The following PAPPA2 variants were observed in gnomAD, a reference collection of about 807,000 sequenced individuals.
The protein encoded by PAPPA2 is pappalysin-2.
Under a neutral mutation model 176.4 loss-of-function variants are expected in PAPPA2, and 86 were observed. That is an observed-to-expected ratio of 0.49 (90% CI 0.41 to 0.58). The LOEUF (loss-of-function observed/expected upper bound fraction) is 0.58. Among genes scored for constraint, PAPPA2 ranks in the 20% least tolerant of loss-of-function variants. The probability of loss-of-function intolerance (pLI) is 0.00; values close to 1 mark genes in which losing one functional copy is unlikely to be tolerated. For synonymous variants in PAPPA2, 809 were observed against 852.2 expected (o/e 0.95, Z 0.88); for missense variants, 2,073 against 2,256.9 (o/e 0.92, Z 1.65).
chr1:176,466,047 T>C (rs11800709), intron 1 of PAPPA2, among the ~76,000 whole-genome samples: 2,788 of 152,272 alleles, frequency 0.018, 78 homozygotes, highest in African/African-American at 0.063. Flanking sequence ...TTAGGCAACA[T>C]GCAGAATTAG....
intron 12 of PAPPA2, among the ~76,000 whole-genome samples, chr1:176,731,459 C>T (rs1244110496): frequency 6.6e-6 from 1 of 151,840 alleles, no homozygotes; most frequent in Non-Finnish European, 1.5e-5. Flanking sequence ...CCCACCATGC[C>T]CAGCTAATTT....
chr1:176,651,636 T>A (rs1019435761), intron 3 of PAPPA2, among the ~76,000 whole-genome samples: 3 of 151,686 alleles, frequency 2.0e-5, no homozygotes, highest in African/African-American at 7.2e-5. Flanking sequence ...GACCTTCCTA[T>A]ATCTGGAATT....
chr1:176,711,246 A>G (rs1194017052), intron 11 of PAPPA2, among the ~76,000 whole-genome samples: 1 of 151,996 alleles, frequency 6.6e-6, no homozygotes, highest in African/African-American at 2.4e-5. Flanking sequence ...TTTCTGCCAC[A>G]CTCTCTCAGC....
chr1:176,749,503 C>T (rs949610524), intron 14 of PAPPA2, among the ~76,000 whole-genome samples: 1 of 152,170 alleles, frequency 6.6e-6, no homozygotes, highest in African/African-American at 2.4e-5. Flanking sequence ...GTTTGTTGTA[C>T]ATTCTATGTG....
chr1:176,720,401 C>A (rs944118759), intron 12 of PAPPA2, among the ~76,000 whole-genome samples: 3 of 151,856 alleles, frequency 2.0e-5, no homozygotes, highest in African/African-American at 7.3e-5. Context: ...TATATATGTG[C>A]AATATAAAAT....
At chr1:176,496,630 T>C (rs988603863) in intron 1 of PAPPA2, among the ~76,000 whole-genome samples, 1 of 152,168 alleles carries the variant, frequency 6.6e-6, no homozygotes, top group Non-Finnish European at 1.5e-5. Context: ...GATTTCCTCT[T>C]TAGCTTATTG....
chr1:176,584,226 C>T (rs1653153618), intron 2 of PAPPA2, among the ~76,000 whole-genome samples: 1 of 152,086 alleles, frequency 6.6e-6, no homozygotes, highest in Non-Finnish European at 1.5e-5. Flanking sequence ...GTTGATATTA[C>T]ATCTAGTTGA....
At chr1:176,533,628 C>T (rs895308710) in intron 1 of PAPPA2, among the ~76,000 whole-genome samples, 1 of 152,236 alleles carries the variant, frequency 6.6e-6, no homozygotes, top group African/African-American at 2.4e-5. Flanking sequence ...CATAAACACT[C>T]GTCACCTAAA....
intron 3 of PAPPA2, among the ~76,000 whole-genome samples, chr1:176,641,028 G>C (rs1450338562): frequency 6.6e-6 from 1 of 151,286 alleles, no homozygotes; most frequent in East Asian, 1.9e-4. Context: ...CCCACTTTTT[G>C]ATGGGGTTGT....
chr1:176,570,129 C>A lies in PAPPA2; in HGVS notation c.919+12888C>A, dbSNP rs1048905616. On this transcript the variant is annotated intron_variant, in intron 2 of 22. Transcript: ENST00000367662. ...AACTTTCGTTTTGTGCACATTATTC[C>A]CGTGGGCGGGAGGAAGAGGAGTGTA... Among the ~76,000 whole-genome samples, 5 of 151,918 alleles carry A rather than the reference C, an allele frequency of 3.3e-5. 1 individual carries two copies. The highest frequency in any genetic ancestry group is 1.2e-4 in the African/African-American group (5 of 41,326).
At chr1:176,486,040 A>G (rs1308721079) in intron 1 of PAPPA2, among the ~76,000 whole-genome samples, 1 of 152,228 alleles carries the variant, frequency 6.6e-6, no homozygotes, top group Non-Finnish European at 1.5e-5. Context: ...GGGTTATTTT[A>G]GTAAGGTTTG....
chr1:176,789,944 G>A lies in PAPPA2; in HGVS notation c.4851G>A (p.Gln1617=). The change falls in exon 18 of 23, where the codon CAG becomes CAA. Residue 1617 remains glutamine, a synonymous_variant. Coordinates refer to ENST00000367662, the MANE Select transcript of PAPPA2 (RefSeq NM_020318.3). ...ECTNGFSLDS[Q]CVLNCNQERE... ...CCAATGGCTTCAGCCTGGACAGCCA[G>A]TGTGTGCTCAACTGTAACCAGGAAC... is the stretch of plus-strand genomic sequence containing the variant. 1 of 1,614,150 alleles carries A rather than the reference G, an allele frequency of 6.2e-7. No individual in the cohort carries two copies. Among genetic ancestry groups the A allele is most frequent in the Non-Finnish European group, 8.5e-7 (1 of 1,180,008 alleles).
chr1:176,713,543 A>G (rs908306453), intron 12 of PAPPA2, among the ~76,000 whole-genome samples: 1 of 152,206 alleles, frequency 6.6e-6, no homozygotes, highest in Admixed American at 6.5e-5. Context: ...ATACCAAATA[A>G]TTTAAATGTT....
At chr1:176,711,042 A>G (rs886342675) in intron 11 of PAPPA2, among the ~76,000 whole-genome samples, 10 of 152,090 alleles carry the variant, frequency 6.6e-5, no homozygotes, top group Admixed American at 5.2e-4. Flanking sequence ...TTCCCTTTTT[A>G]TTGGGAAAAT....
intron 1 of PAPPA2, among the ~76,000 whole-genome samples, chr1:176,469,920 GC>G (rs1279147025): frequency 6.6e-6 from 1 of 152,138 alleles, no homozygotes; most frequent in Non-Finnish European, 1.5e-5. Flanking sequence ...TGTACTGCTG[GC>G]CATTGGTTCC....
chr1:176,831,992 G>C (rs1047547393), intron 21 of PAPPA2, among the ~76,000 whole-genome samples: 1 of 152,170 alleles, frequency 6.6e-6, no homozygotes, highest in Non-Finnish European at 1.5e-5. Context: ...GGGGAAGGAG[G>C]CTCTCAGGGA....
At chr1:176,515,624 T>G (rs762264079) in intron 1 of PAPPA2, among the ~76,000 whole-genome samples, 1 of 152,214 alleles carries the variant, frequency 6.6e-6, no homozygotes, top group Non-Finnish European at 1.5e-5. Context: ...TATTTTTATC[T>G]TGTCCCTGTG....
intron 1 of PAPPA2, among the ~76,000 whole-genome samples, chr1:176,495,318 A>T (rs1275465351): frequency 6.6e-6 from 1 of 152,156 alleles, no homozygotes; most frequent in East Asian, 1.9e-4. Context: ...AGGCAGGCGA[A>T]TCACCTAAGG....
At chr1:176,471,039 T>TA (rs1475758453) in intron 1 of PAPPA2, among the ~76,000 whole-genome samples, 3 of 152,198 alleles carry the variant, frequency 2.0e-5, no homozygotes, top group Non-Finnish European at 4.4e-5. Flanking sequence ...TAGTAGGTGA[T>TA]AGCCTGTGAT....
Sources: allele counts gnomAD v4.1 joint callset (sites outside exome capture counted in the v4.1 genomes callset), GRCh38; gene constraint gnomAD v4.1.1; transcripts MANE v1.5; gene names NCBI Gene and HGNC (gene_info 2026-07-23, HGNC 2026-07-21).